Variants in GBP5 observed in about 807,000 individuals in gnomAD.
GBP5 encodes the protein guanylate-binding protein 5.
A neutral mutation model predicts 58.2 loss-of-function variants in GBP5; 48 were observed. The ratio of observed to expected loss-of-function variants is 0.83; its 90% CI spans 0.65 to 1.05. The LOEUF (loss-of-function observed/expected upper bound fraction) is 1.05, where lower values mean the gene tolerates loss of function less well. Ranked by LOEUF, GBP5 falls within the 50% of genes least tolerant of loss-of-function variation. The pLI is 0.00. For synonymous variants in GBP5, 248 were observed against 251.8 expected, an observed-to-expected ratio of 0.98 and a Z score of 0.14; for missense variants, 714 against 686.8, an observed-to-expected ratio of 1.04 and a Z score of -0.44.
chr1:89,267,047 T>G lies in GBP5; in HGVS notation c.535A>C (p.Thr179Pro). 1 of 1,612,654 alleles carries G rather than the reference T, an allele frequency of 6.2e-7. No individual in the cohort carries two copies. Among genetic ancestry groups the G allele is most frequent in the South Asian group, 1.1e-5 (1 of 90,786 alleles). Residue 179 changes from threonine (T) to proline (P), a missense_variant, in exon 6 of 12, where the codon ACT becomes CCT. Thr to Pro is a conservative substitution (Grantham distance 38). Coordinates refer to ENST00000370459, the MANE Select transcript of GBP5 (RefSeq NM_052942.5). Reference protein sequence around the residue: ...SASFFPDLVWTLRDFCLGLEI... With the variant: ...SASFFPDLVWPLRDFCLGLEI... Reference sequence around the variant, plus strand: ...AGGCCTAAGCAGAAATCTCTCAGAGTCCACACTAAGTCTGGGAAGAAGCTC... The same window carrying G: ...AGGCCTAAGCAGAAATCTCTCAGAGGCCACACTAAGTCTGGGAAGAAGCTC...
In GBP5 at chr1:89,260,407, A is replaced by AG. The variant is rs35850460; in HGVS notation, c.*296dup. On this transcript the variant is annotated 3_prime_UTR_variant, in exon 12 of 12. Coordinates refer to ENST00000370459, the MANE Select transcript of GBP5 (RefSeq NM_052942.5). ...ATTAGACAGATGACATTGAGATGCA[A>AG]GGAAAGCATCTCCTGATGAAACCAT... The AG allele has an allele frequency of 0.72, 167,147 of 231,146 alleles. 61,266 individuals are homozygous for AG. The highest frequency in any genetic ancestry group is 0.81 in the Middle Eastern group (482 of 596). The allele number at this position is 231,146 out of a possible 1,614,324, so 14.3% of individuals were successfully genotyped here. A position where few individuals can be genotyped will look rare whatever the true frequency, so the allele number is the denominator to read the frequency against.
intron 2 of GBP5, 80 bp from the exon 3 acceptor site, chr1:89,269,654 C>T: frequency 2.1e-6 from 2 of 931,800 alleles, no homozygotes; most frequent in Non-Finnish European, 3.4e-6. Context: ...CTTACTGAAC[C>T]TGGGGACATA....
rs772042584 is a variant in GBP5 at position 89,268,860 on chromosome 1, T to C, written c.191-4A>G. The stretch of plus-strand genomic sequence containing the variant: ...ACCGTAGATGCAACAGAGAAGCCTG[T>C]CAGGGGGAGTGAGAGGTTGTAATAG... On this transcript the variant is annotated splice_region_variant and splice_polypyrimidine_tract_variant and intron_variant, in intron 3 of 11. Transcript: ENST00000370459. The C allele has an allele frequency of 5.6e-6, 9 of 1,613,250 alleles. No individual in the cohort carries two copies. Among genetic ancestry groups the C allele is most frequent in the Non-Finnish European group, 7.6e-6 (9 of 1,179,674 alleles).
chr1:89,257,597 GATA>G lies in GBP5; in HGVS notation c.*3104_*3106del, dbSNP rs1557497417. ...AATAATGATAACACTAACATACATT[GATA>G]ATATTGTTTAAAATAACAATTGCCA... On this transcript the variant is annotated 3_prime_UTR_variant, in exon 12 of 12. Coordinates refer to ENST00000370459, the MANE Select transcript of GBP5 (RefSeq NM_052942.5). 6.6e-6 allele frequency among the ~76,000 whole-genome samples: 1 copy of G among 152,034 alleles called. No homozygotes were observed. The highest frequency in any genetic ancestry group is 1.5e-5 in the Non-Finnish European group (1 of 68,010).
intron 4 of GBP5, among the ~76,000 whole-genome samples, chr1:89,267,990 A>C (rs1000993816): frequency 2.0e-5 from 3 of 152,198 alleles, no homozygotes; most frequent in Non-Finnish European, 4.4e-5. Context: ...GTCCTGGCAA[A>C]TCAAAAACAA....
rs1220216427 is a variant in GBP5 at position 89,258,933 on chromosome 1, A to G, written c.*1771T>C. 6.6e-6 allele frequency: 1 copy of G among 152,140 alleles called. No homozygotes were observed. The highest frequency in any genetic ancestry group is 2.4e-5 in the African/African-American group (1 of 41,434). The allele number at this position is 152,140 out of a possible 1,614,324, so 9.4% of individuals were successfully genotyped here. ...ATAGACTTTTAACTTTGAGAAAAATACAAACAAAGGAACTGATTTATGGTT... is the reference window on the plus strand; with the variant it reads ...ATAGACTTTTAACTTTGAGAAAAATGCAAACAAAGGAACTGATTTATGGTT... On this transcript the variant is annotated 3_prime_UTR_variant, in exon 12 of 12. Coordinates refer to ENST00000370459, the MANE Select transcript of GBP5 (RefSeq NM_052942.5).
rs1040908446 is a variant in GBP5, at chr1:89,256,303, T to A, written c.*4401A>T. 1.3e-5 allele frequency among the ~76,000 whole-genome samples: 2 copies of A among 152,176 alleles called. No individual in the cohort carries two copies. Among genetic ancestry groups the A allele is most frequent in the African/African-American group, 4.8e-5 (2 of 41,450 alleles). ...ACAGGCCAAACAAAATTACATTACT[T>A]AGGAGCTCACATGTTTATAATAAAA... On this transcript the variant is annotated 3_prime_UTR_variant, in exon 12 of 12. Transcript: ENST00000370459.
chr1:89,262,600 T>A, intron 10 of GBP5, 83 bp downstream of exon 10: 1 of 1,017,750 alleles, frequency 9.8e-7, no homozygotes, highest in East Asian at 2.5e-5. Context: ...TGCTCTAGTT[T>A]AACATCCCAT....
intron 10 of GBP5, 127 bp from the exon 11 acceptor site, chr1:89,262,528 C>T (rs932500615): frequency 3.9e-5 from 37 of 950,346 alleles, no homozygotes; most frequent in African/African-American, 3.6e-4. Flanking sequence ...TCCAGGTAAC[C>T]ACAATGCAGG....
At position 89,260,714 on chromosome 1, in the gene GBP5, A is replaced by G; in HGVS notation, c.1751T>C (p.Val584Ala). 6.2e-7 allele frequency: 1 copy of G among 1,610,748 alleles called. No individual in the cohort carries two copies. ...CCCATATTTAGCACTTTAGAGTAAA[A>G]CACATGGATCATCGTTATTAACAGT... Reference protein sequence around the residue: ...QRTVNNDDPCVLL With the variant: ...QRTVNNDDPCALL Residue 584 changes from valine (V) to alanine (A), a missense_variant, in exon 12 of 12, where the codon GTT becomes GCT. Physicochemically the swap from Val to Ala is moderately conservative, Grantham distance 64 (BLOSUM62 0). Transcript: ENST00000370459.
At position 89,266,541 on chromosome 1, in the gene GBP5, G is replaced by T. The variant is rs765930716; in HGVS notation, c.673C>A (p.Gln225Lys). The change falls in exon 7 of 12, where the codon CAG becomes AAG. Residue 225 changes from glutamine (Q) to lysine (K), a missense_variant. Coordinates refer to ENST00000370459, the MANE Select transcript of GBP5 (RefSeq NM_052942.5). ...CATTTCTTTTTTGGAAAGAACTTCT[G>T]TATACACAGACGGGGCAAATTGAAA... ...QNFNLPRLCI[Q>K]KFFPKKKCFI... is the part of the protein sequence containing the mutation. The T allele has an allele frequency of 8.1e-6, 13 of 1,613,132 alleles. No homozygotes were observed. The highest frequency in any genetic ancestry group is 8.5e-7 in the Non-Finnish European group (1 of 1,179,200).
In GBP5 at chr1:89,267,408, A is replaced by G; in HGVS notation, c.428+9T>C. 2 of 1,591,012 alleles carry G rather than the reference A, an allele frequency of 1.3e-6. No individual in the cohort carries two copies. Among genetic ancestry groups the G allele is most frequent in the Non-Finnish European group, 1.7e-6 (2 of 1,159,030 alleles). On this transcript the variant is annotated intron_variant, in intron 5 of 11. Transcript: ENST00000370459. ...GACTTTGGTGCCATCCCATACCACA[A>G]AAGGATACTGCAGTAGGTCGATAGC... is the stretch of plus-strand genomic sequence containing the variant.
At position 89,260,188 on chromosome 1, in the gene GBP5, A is replaced by G. The variant is rs1250148985; in HGVS notation, c.*516T>C. ...ATCTTTTGCATGCACAGTTCACAATAGGGTTCCCACTCCTGTGAGAATCTA... is the reference window on the plus strand; with the variant it reads ...ATCTTTTGCATGCACAGTTCACAATGGGGTTCCCACTCCTGTGAGAATCTA... On this transcript the variant is annotated 3_prime_UTR_variant, in exon 12 of 12. Coordinates refer to ENST00000370459, the MANE Select transcript of GBP5 (RefSeq NM_052942.5). 1 of 154,460 alleles carries G rather than the reference A, an allele frequency of 6.5e-6. No individual in the cohort carries two copies. Among genetic ancestry groups the G allele is most frequent in the African/African-American group, 2.4e-5 (1 of 41,452 alleles). 9.6% of individuals were successfully genotyped at this position (154,460 alleles called of 1,614,324 possible).
At chr1:89,269,302 G>A (rs550088791) in intron 3 of GBP5, 64 bp downstream of exon 3, 15 of 1,485,850 alleles carry the variant, frequency 1.0e-5, no homozygotes, top group South Asian at 3.5e-5. Context: ...TTGCTTCCTC[G>A]TACTGGATGG....
At position 89,264,866 on chromosome 1, in the gene GBP5, TGA is replaced by T. The variant is rs538169601; in HGVS notation, c.967_968del (p.Ala324CysfsTer10). The T allele has an allele frequency of 2.2e-4, 361 of 1,614,232 alleles. 1 individual carries two copies. In the African/African-American group the frequency reaches 4.4e-3, roughly 20 times the overall value. ...GGGCAATGGCCTTTTGCACTGCAGC[TGA>T]GTTCTCTCTCTGAGCCAAGGCCAGG... is the stretch of plus-strand genomic sequence containing the variant. ...AVLALAQRENSAAVQKAIAHY... is the reference protein window; with the variant it reads ...AVLALAQRENXAAVQKAIAHY... On this transcript the variant is annotated frameshift_variant, in exon 8 of 12. Transcript: ENST00000370459. LOFTEE classifies it high-confidence loss of function.
At position 89,267,108 on chromosome 1, in the gene GBP5, G is replaced by C. The variant is rs201309461; in HGVS notation, c.474C>G (p.Pro158=). ...LTDLLKARNS[P]DLDRVEDPAD... is the part of the protein sequence containing the mutation. ...CAGGATCTTCAACCCTGTCAAGGTC[G>C]GGTGAGTTTCTTGCCTTGAGCAGAT... Residue 158 remains proline, a synonymous_variant, in exon 6 of 12, where the codon CCC becomes CCG. Coordinates refer to ENST00000370459, the MANE Select transcript of GBP5 (RefSeq NM_052942.5). 3 of 1,608,540 alleles carry C rather than the reference G, an allele frequency of 1.9e-6. No individual in the cohort carries two copies. In the Admixed American group the frequency reaches 5.2e-5, roughly 28 times the overall value.
intron 11 of GBP5, among the ~76,000 whole-genome samples, chr1:89,261,253 A>G (rs1159505196): frequency 2.0e-5 from 3 of 152,246 alleles, no homozygotes; most frequent in Non-Finnish European, 4.4e-5. Flanking sequence ...CCAGGTCACC[A>G]CAGAAGTAGG....
chr1:89,267,819 T>C (rs779294157), intron 4 of GBP5, among the ~76,000 whole-genome samples: 5 of 152,184 alleles, frequency 3.3e-5, no homozygotes, highest in Non-Finnish European at 7.3e-5. Flanking sequence ...ATATACCCAG[T>C]ACATATACCT....
At chr1:89,266,206 T>G (rs948585363) in intron 7 of GBP5, 140 bp downstream of exon 7, 4 of 729,080 alleles carry the variant, frequency 5.5e-6, no homozygotes, top group African/African-American at 5.4e-5. Context: ...CACTGAAACT[T>G]AATAAATATG....
Sources: allele counts gnomAD v4.1 joint callset (sites outside exome capture counted in the v4.1 genomes callset), GRCh38; gene constraint gnomAD v4.1.1; transcripts MANE v1.5; gene names NCBI Gene and HGNC (gene_info 2026-07-23, HGNC 2026-07-21).